ANK3: variants seen among roughly 807,000 people sequenced by gnomAD.
ANK3 encodes the protein ankyrin-3.
A neutral mutation model predicts 370.9 loss-of-function variants in ANK3; 57 were observed. That is an observed-to-expected ratio of 0.15 (90% CI 0.12 to 0.19). ANK3 has a LOEUF of 0.19. Among genes scored for constraint, ANK3 ranks in the 10% least tolerant of loss-of-function variants. ANK3 has a pLI of 1.00. For synonymous variants in ANK3, 1,929 were observed against 1,946.3 expected (o/e 0.99, Z 0.23); for missense variants, 4,439 against 5,302.1 (o/e 0.84, Z 5.06).
intron 1 of ANK3, among the ~76,000 whole-genome samples, chr10:60,295,124 G>T (rs190775342): frequency 6.6e-6 from 1 of 152,270 alleles, no homozygotes; most frequent in Non-Finnish European, 1.5e-5. Flanking sequence ...GGAGCTATGT[G>T]ATATGTGTTT....
At chr10:60,171,687 A>C (rs912970364) in intron 21 of ANK3, among the ~76,000 whole-genome samples, 1 of 152,190 alleles carries the variant, frequency 6.6e-6, no homozygotes, top group Non-Finnish European at 1.5e-5. Context: ...GAAATGACTT[A>C]TCCTAGAGGC....
At chr10:60,052,847 AT>A (rs201815858) in intron 42 of ANK3, among the ~76,000 whole-genome samples, 1 of 151,864 alleles carries the variant, frequency 6.6e-6, no homozygotes, top group African/African-American at 2.4e-5. Flanking sequence ...AAAAAAAAAA[AT>A]AAAACTGCTA....
intron 1 of ANK3, among the ~76,000 whole-genome samples, chr10:60,313,504 C>A (rs1336351933): frequency 6.6e-6 from 1 of 152,156 alleles, no homozygotes; most frequent in African/African-American, 2.4e-5. Flanking sequence ...CTTCTGCTGT[C>A]CACAGCTTAT....
Position 60,303,912 on chromosome 10 carries a change from AAT to A in ANK3, c.115-24275_115-24274del, listed in dbSNP as rs1318081437. Among the ~76,000 whole-genome samples the A allele has an allele frequency of 2.0e-5, 3 of 149,804 alleles. No homozygotes were observed. In the East Asian group the frequency reaches 5.8e-4, roughly 29 times the overall value. On this transcript the variant is annotated intron_variant, in intron 1 of 43. Transcript: ENST00000280772. ...TGTGTGTGTGTGTGTGTGTGTGTAT[AAT>A]TAAACACTATTTGATCATAAAGAGA...
At chr10:60,724,697 C>T (rs1443846895) in intron 1 of ANK3, among the ~76,000 whole-genome samples, 2 of 152,274 alleles carry the variant, frequency 1.3e-5, no homozygotes, top group Non-Finnish European at 2.9e-5. Flanking sequence ...ATCAAGTGTA[C>T]TGTCTTGTAA....
At chr10:60,189,487 A>G (rs1358769101) in intron 16 of ANK3, among the ~76,000 whole-genome samples, 1 of 152,256 alleles carries the variant, frequency 6.6e-6, no homozygotes, top group Non-Finnish European at 1.5e-5. Context: ...GATACAAAGG[A>G]AAGTATAAAG....
chr10:60,135,989 A>G (rs1336016968), intron 24 of ANK3, among the ~76,000 whole-genome samples: 1 of 151,712 alleles, frequency 6.6e-6, no homozygotes, highest in Non-Finnish European at 1.5e-5. Context: ...AGACCATTAT[A>G]AGCATAATTC....
intron 8 of ANK3, among the ~76,000 whole-genome samples, chr10:60,228,151 T>C (rs1244690156): frequency 1.3e-5 from 2 of 152,208 alleles, no homozygotes; most frequent in East Asian, 3.8e-4. Flanking sequence ...TTGTATTTCT[T>C]TCTATCATGC....
chr10:60,226,467 A>T (rs1315670886), intron 8 of ANK3, among the ~76,000 whole-genome samples: 1 of 108,384 alleles, frequency 9.2e-6, no homozygotes, highest in Non-Finnish European at 1.7e-5. Context: ...GTATATATAC[A>T]TAGTATATAT....
intron 2 of ANK3, among the ~76,000 whole-genome samples, chr10:60,588,797 C>T (rs1296064461): frequency 6.6e-6 from 1 of 152,038 alleles, no homozygotes; most frequent in Non-Finnish European, 1.5e-5. Flanking sequence ...ATAGTCCCAG[C>T]TATTCAGGAG....
At chr10:60,096,482 A>G (rs936100599) in intron 28 of ANK3, among the ~76,000 whole-genome samples, 1 of 152,174 alleles carries the variant, frequency 6.6e-6, no homozygotes, top group Non-Finnish European at 1.5e-5. Context: ...CCTAGCTCCT[A>G]ATGCAATGTC....
At chr10:60,471,249 G>C (rs945000287) in intron 2 of ANK3, among the ~76,000 whole-genome samples, 11 of 152,096 alleles carry the variant, frequency 7.2e-5, no homozygotes, top group Admixed American at 5.9e-4. Flanking sequence ...ACAAAGCCAA[G>C]AGTTCTTGCG....
chr10:60,212,320 T>C (rs976030132), intron 9 of ANK3, among the ~76,000 whole-genome samples: 2 of 151,936 alleles, frequency 1.3e-5, no homozygotes, highest in African/African-American at 4.8e-5. Flanking sequence ...GACTGCAAAG[T>C]GGGAACTGAT....
chr10:60,405,117 C>T (rs2132913303), intron 2 of ANK3, among the ~76,000 whole-genome samples: 1 of 152,222 alleles, frequency 6.6e-6, no homozygotes, highest in East Asian at 1.9e-4. Context: ...AAACATTTGG[C>T]AGTTTCTTAT....
intron 2 of ANK3, among the ~76,000 whole-genome samples, chr10:60,457,875 G>T (rs912775337): frequency 1.3e-5 from 2 of 151,976 alleles, no homozygotes; most frequent in African/African-American, 4.8e-5. Context: ...TGCAGTGGGC[G>T]GTAGTGTAGT....
chr10:60,581,748 T>C (rs1289920634), intron 2 of ANK3, among the ~76,000 whole-genome samples: 1 of 152,100 alleles, frequency 6.6e-6, no homozygotes, highest in Non-Finnish European at 1.5e-5. Context: ...ATTTTGCCCA[T>C]TTTTTAATCA....
chr10:60,581,632 G>A (rs1278118019), intron 2 of ANK3, among the ~76,000 whole-genome samples: 1 of 151,384 alleles, frequency 6.6e-6, no homozygotes, highest in African/African-American at 2.4e-5. Flanking sequence ...TAGAGATGGG[G>A]TTTCATCATC....
intron 2 of ANK3, among the ~76,000 whole-genome samples, chr10:60,588,827 T>C (rs1203905533): frequency 6.6e-6 from 1 of 152,126 alleles, no homozygotes; most frequent in Non-Finnish European, 1.5e-5. Context: ...AGAGGATGGC[T>C]TAAACCCAGG....
At chr10:60,253,744 C>T (rs971127172) in intron 7 of ANK3, among the ~76,000 whole-genome samples, 2 of 152,156 alleles carry the variant, frequency 1.3e-5, no homozygotes, top group African/African-American at 4.8e-5. Flanking sequence ...TCCCCATTTT[C>T]ATGGGGAGGT....
Sources: gnomAD v4.1 joint callset for allele counts (sites outside exome capture counted in the v4.1 genomes callset) on GRCh38, gnomAD v4.1.1 for gene constraint, MANE v1.5 for transcripts, NCBI Gene and HGNC (gene_info 2026-07-23, HGNC 2026-07-21) for gene names.